Variants in MAML1 observed in about 807,000 individuals in gnomAD.
MAML1 encodes the protein mastermind-like protein 1.
A neutral mutation model predicts 77.1 loss-of-function variants in MAML1; 14 were observed. The observed-to-expected ratio is 0.18, with a 90% CI of 0.12 to 0.28. The LOEUF (loss-of-function observed/expected upper bound fraction) is 0.28. Ranked by LOEUF, MAML1 falls within the 10% of genes least tolerant of loss-of-function variation. The pLI, the probability that MAML1 is intolerant of heterozygous loss-of-function variation, is 1.00. For missense variants in MAML1, 1,217 were observed against 1,327.8 expected, an observed-to-expected ratio of 0.92 and a Z score of 1.30; for synonymous variants, 516 against 551.9, an observed-to-expected ratio of 0.93 and a Z score of 0.91.
intron 1 of MAML1, among the ~76,000 whole-genome samples, chr5:179,752,336 A>ATATAT (rs1779506953): frequency 1.1e-4 from 7 of 63,938 alleles, no homozygotes; most frequent in Admixed American, 2.6e-4. Flanking sequence ...AAAAAAAAAA[A>ATATAT]AAAAAAAAAA....
intron 1 of MAML1, among the ~76,000 whole-genome samples, chr5:179,745,098 G>C (rs1480018755): frequency 2.6e-5 from 4 of 151,780 alleles, no homozygotes; most frequent in African/African-American, 9.7e-5. Context: ...GTAGAGATGG[G>C]GTTTCACCGT....
chr5:179,741,718 A>G (rs1191526429), intron 1 of MAML1, among the ~76,000 whole-genome samples: 1 of 150,800 alleles, frequency 6.6e-6, no homozygotes, highest in Non-Finnish European at 1.5e-5. Flanking sequence ...TTTACTTTTA[A>G]GGTGGATCTT....
chr5:179,774,146 G>T lies in MAML1; in HGVS notation c.2320G>T (p.Ala774Ser). The part of the protein sequence containing the change: ...TQIVAQPPPQ[A>S]TNGHAHIPRQ... ...GATAGTTGCCCAGCCCCCGCCACAG[G>T]CCACCAATGGACATGCCCACATTCC... The change falls in exon 5 of 5, where the codon GCC (alanine) becomes TCC (serine). Residue 774 changes from alanine (A) to serine (S), a missense_variant. By Grantham distance (99) the Ala-to-Ser change is moderately conservative (BLOSUM62 1). Transcript: ENST00000292599. 3 of 1,613,558 alleles carry T rather than the reference G, an allele frequency of 1.9e-6. No individual in the cohort carries two copies. The highest frequency in any genetic ancestry group is 2.5e-6 in the Non-Finnish European group (3 of 1,180,028).
chr5:179,747,827 A>AAAAG (rs1460788592), intron 1 of MAML1, among the ~76,000 whole-genome samples: 1 of 151,242 alleles, frequency 6.6e-6, no homozygotes, highest in Non-Finnish European at 1.5e-5. Context: ...AAAAAAAAAA[A>AAAAG]AAGAAGGAAA....
chr5:179,747,748 C>G (rs1779408000), intron 1 of MAML1, among the ~76,000 whole-genome samples: 2 of 124,772 alleles, frequency 1.6e-5, no homozygotes, highest in South Asian at 5.2e-4. Context: ...GAGGCGGAGC[C>G]TGCAGTGAGC....
At chr5:179,736,194 A>G (rs1201461734) in intron 1 of MAML1, among the ~76,000 whole-genome samples, 1 of 152,198 alleles carries the variant, frequency 6.6e-6, no homozygotes, top group African/African-American at 2.4e-5. Context: ...TTCAAAAAGC[A>G]AGTTGATGTA....
rs925084403 is a variant in MAML1 at position 179,771,825 on chromosome 5, G to A, written c.2068+582G>A. Among the ~76,000 whole-genome samples, 1 of 152,202 alleles carries A rather than the reference G, an allele frequency of 6.6e-6. No individual in the cohort carries two copies. Among genetic ancestry groups the A allele is most frequent in the Non-Finnish European group, 1.5e-5 (1 of 68,030 alleles). On this transcript the variant is annotated intron_variant, in intron 4 of 4. Coordinates refer to ENST00000292599, the MANE Select transcript of MAML1 (RefSeq NM_014757.5). This position sits in a 1 kb window ranked among gnomAD's most constrained non-coding sequence, Gnocchi z 4.7. ...CAGGGAATGGATACAGGAAGCTCTGGTCTGCCCGCCTTCCTAGCTCCTCTC... is the reference window on the plus strand; with the variant it reads ...CAGGGAATGGATACAGGAAGCTCTGATCTGCCCGCCTTCCTAGCTCCTCTC...
At position 179,765,555 on chromosome 5, in the gene MAML1, G is replaced by A. The variant is rs772642568; in HGVS notation, c.545G>A (p.Gly182Glu). Residue 182 changes from glycine to glutamate, a missense_variant, in exon 2 of 5, where the codon GGG becomes GAG. By Grantham distance (98) the Gly-to-Glu change is moderately conservative. Around this residue, in one of 3 missense-constraint regions of MAML1, gnomAD observed 312 missense variants for 331.4 expected, o/e 0.94. Transcript: ENST00000292599. The part of the protein sequence containing the change: ...ALQSSGKHSL[G>E]LDSLNKKRLA... ...CAGTCCAGTGGGAAGCACTCTCTGGGGCTAGACTCTCTCAACAAAAAGCGT... is the reference window on the plus strand; with the variant it reads ...CAGTCCAGTGGGAAGCACTCTCTGGAGCTAGACTCTCTCAACAAAAAGCGT... 96 of 1,613,968 alleles carry A rather than the reference G, an allele frequency of 5.9e-5. No individual in the cohort carries two copies. The highest frequency in any genetic ancestry group is 7.7e-5 in the Non-Finnish European group (91 of 1,180,002).
intron 1 of MAML1, among the ~76,000 whole-genome samples, chr5:179,756,269 C>CA (rs1342302912): frequency 1.3e-5 from 2 of 150,828 alleles, no homozygotes; most frequent in African/African-American, 4.9e-5. Context: ...ACTAAAAATA[C>CA]AAAAAATTGG....
At chr5:179,735,045 G>A (rs1779139195) in intron 1 of MAML1, among the ~76,000 whole-genome samples, 1 of 152,108 alleles carries the variant, frequency 6.6e-6, no homozygotes, top group Admixed American at 6.6e-5. Context: ...TCGGGGGAAG[G>A]GATAGCATTG....
At chr5:179,763,368 A>ACGTCCTGCAGCTGTGGGG (rs951847428) in intron 1 of MAML1, among the ~76,000 whole-genome samples, 3 of 152,126 alleles carry the variant, frequency 2.0e-5, no homozygotes, top group Non-Finnish European at 4.4e-5. Flanking sequence ...AGTAAAGCAA[A>ACGTCCTGCAGCTGTGGGG]CGTCCTGCAG....
chr5:179,768,624 G>T (rs1196528116), intron 2 of MAML1, among the ~76,000 whole-genome samples: 1 of 152,188 alleles, frequency 6.6e-6, no homozygotes, highest in African/African-American at 2.4e-5. Flanking sequence ...TGAATCACTG[G>T]GAGTAAAACT....
Position 179,776,972 on chromosome 5 carries a change from T to C in MAML1, c.*2095T>C. 2.0e-6 allele frequency: 2 copies of C among 984,944 alleles called. No individual in the cohort carries two copies. Among genetic ancestry groups the C allele is most frequent in the Non-Finnish European group, 2.4e-6 (2 of 829,076 alleles). 61.0% of individuals were successfully genotyped at this position (984,944 alleles called of 1,614,324 possible). ...GGTGCTCAGACTTTTGTTATACACA[T>C]TTGCTTTGTGTAAATAAATGTTTAC... On this transcript the variant is annotated 3_prime_UTR_variant, in exon 5 of 5. Transcript: ENST00000292599.
intron 1 of MAML1, among the ~76,000 whole-genome samples, chr5:179,738,274 G>T (rs2113332684): frequency 6.6e-6 from 1 of 152,042 alleles, no homozygotes; most frequent in East Asian, 1.9e-4. Flanking sequence ...ACACCTCATA[G>T]CTCTCTGCTG....
intron 1 of MAML1, among the ~76,000 whole-genome samples, chr5:179,736,315 C>T (rs937173713): frequency 1.3e-5 from 2 of 151,536 alleles, no homozygotes; most frequent in Non-Finnish European, 2.9e-5. Context: ...TGCAATGGTG[C>T]CATCTTGGCT....
In MAML1 at chr5:179,765,565, T is replaced by C; in HGVS notation, c.555T>C (p.Ser185=). The C allele has an allele frequency of 1.9e-6, 3 of 1,614,040 alleles. No individual in the cohort carries two copies. Among genetic ancestry groups the C allele is most frequent in the Middle Eastern group, 1.7e-4 (1 of 6,060 alleles). ...SSGKHSLGLD[S]LNKKRLADSS... ...GGAAGCACTCTCTGGGGCTAGACTC[T>C]CTCAACAAAAAGCGTCTGGCTGACT... is the stretch of plus-strand genomic sequence containing the variant. Residue 185 remains serine, a synonymous_variant, in exon 2 of 5, where the codon TCT becomes TCC. Transcript: ENST00000292599.
intron 1 of MAML1, among the ~76,000 whole-genome samples, chr5:179,745,974 C>T (rs1441631407): frequency 1.4e-5 from 2 of 147,896 alleles, no homozygotes; most frequent in Admixed American, 6.8e-5. Context: ...GCGGAGGTTT[C>T]GATGAGCTGA....
At chr5:179,735,767 A>C (rs1274790209) in intron 1 of MAML1, among the ~76,000 whole-genome samples, 3 of 151,792 alleles carry the variant, frequency 2.0e-5, no homozygotes, top group African/African-American at 7.3e-5. Context: ...TGCTCACTGC[A>C]ACCTCTGCCT....
At position 179,766,143 on chromosome 5, in the gene MAML1, C is replaced by G. The variant is rs1441353970; in HGVS notation, c.1133C>G (p.Ala378Gly). Residue 378 changes from alanine to glycine, a missense_variant, in exon 2 of 5, where the codon GCA (alanine) becomes GGA (glycine). Coordinates refer to ENST00000292599, the MANE Select transcript of MAML1 (RefSeq NM_014757.5). This position sits in a 1 kb window ranked among gnomAD's most constrained non-coding sequence, Gnocchi z 4.0. The stretch of plus-strand genomic sequence containing the variant: ...GCCCAGAACGCACAAAGAGCCCTTG[C>G]AGGTGTGGTATTGCCCAGTCAGGGC... ...AQAQNAQRAL[A>G]GVVLPSQGPG... The G allele has an allele frequency of 2.5e-6, 4 of 1,574,728 alleles. No homozygotes were observed. Among genetic ancestry groups the G allele is most frequent in the Non-Finnish European group, 3.4e-6 (4 of 1,161,852 alleles).
Sources: allele counts gnomAD v4.1 joint callset (sites outside exome capture counted in the v4.1 genomes callset), GRCh38; gene constraint gnomAD v4.1.1; regional missense constraint gnomAD v4.1.1; non-coding constraint Gnocchi (gnomAD v3.1); transcripts MANE v1.5; gene names NCBI Gene and HGNC (gene_info 2026-07-23, HGNC 2026-07-21).